SLC2A6: variants seen among roughly 807,000 people sequenced by gnomAD.
SLC2A6 encodes the protein solute carrier family 2, facilitated glucose transporter member 6.
In SLC2A6, 39 loss-of-function variants were observed where a neutral mutation model predicts 47.8. The ratio of observed to expected loss-of-function variants is 0.82; its 90% CI spans 0.63 to 1.07. The LOEUF is 1.07. SLC2A6 is among the 50% of genes least tolerant of loss of function. The probability of loss-of-function intolerance (pLI) is 0.00; values close to 1 mark genes in which losing one functional copy is unlikely to be tolerated. For missense variants in SLC2A6, 650 were observed against 707.6 expected (o/e 0.92, Z 0.92); for synonymous variants, 346 against 324.1 (o/e 1.07, Z -0.73).
At chr9:133,475,273 C>A in intron 5 of SLC2A6, 127 bp downstream of exon 5, 1 of 1,363,778 alleles carries the variant, frequency 7.3e-7, no homozygotes, top group Non-Finnish European at 9.7e-7. Flanking sequence ...AGCCCCCCAC[C>A]CCAACCCAGG....
chr9:133,471,907 G>A lies in SLC2A6; in HGVS notation c.*114C>T. 1.6e-6 allele frequency: 2 copies of A among 1,283,552 alleles called. No homozygotes were observed. Among genetic ancestry groups the A allele is most frequent in the East Asian group, 2.4e-5 (1 of 42,228 alleles). 79.5% of individuals were successfully genotyped at this position (1,283,552 alleles called of 1,614,324 possible). A position where few individuals can be genotyped will look rare whatever the true frequency, so the allele number is the denominator to read the frequency against. On this transcript the variant is annotated 3_prime_UTR_variant, in exon 10 of 10. Coordinates refer to ENST00000371899, the MANE Select transcript of SLC2A6 (RefSeq NM_017585.4). ...GGCCCCATCACACTGCTCTTCCTGT[G>A]CTCTGGCTGGTGGCAGGGATGACTG...
intron 1 of SLC2A6, 37 bp downstream of exon 1, chr9:133,478,931 A>C: frequency 2.5e-5 from 36 of 1,464,900 alleles, no homozygotes; most frequent in Non-Finnish European, 3.1e-5. Flanking sequence ...GGCCACCCCC[A>C]GGCCCCACCC....
At position 133,474,150 on chromosome 9, in the gene SLC2A6, C is replaced by T. The variant is rs587722405; in HGVS notation, c.928-62G>A. 96 of 1,357,744 alleles carry T rather than the reference C, an allele frequency of 7.1e-5. No homozygotes were observed. In the African/African-American group the frequency reaches 1.2e-3, roughly 18 times the overall value. 84.1% of individuals were successfully genotyped at this position (1,357,744 alleles called of 1,614,324 possible). A position where few individuals can be genotyped will look rare whatever the true frequency, so the allele number is the denominator to read the frequency against. ...CTGCTGTTCCCATCCCCCTCCAGGA[C>T]CCAGCTTGTCCCGGCAGGCATTGCA... On this transcript the variant is annotated intron_variant, in intron 6 of 9. Transcript: ENST00000371899.
intron 3 of SLC2A6, among the ~76,000 whole-genome samples, chr9:133,476,610 C>T (rs918214685): frequency 6.6e-6 from 1 of 152,208 alleles, no homozygotes; most frequent in Non-Finnish European, 1.5e-5. Flanking sequence ...TCCCAGGCTT[C>T]AGGGCTGAGC....
At chr9:133,472,269 C>T (rs1350413247) in intron 9 of SLC2A6, 93 bp from the exon 10 acceptor site, 5 of 1,406,610 alleles carry the variant, frequency 3.6e-6, no homozygotes, top group Non-Finnish European at 4.8e-6. Flanking sequence ...AGTGACCAGC[C>T]CTGTGGGGCC....
rs932317336 is a variant in SLC2A6 at position 133,477,045 on chromosome 9, G to C, written c.452C>G (p.Ala151Gly). The change falls in exon 3 of 10, where the codon GCC (alanine) becomes GGC (glycine). Residue 151 changes from alanine to glycine, a missense_variant. By Grantham distance (60) the Ala-to-Gly change is moderately conservative. Transcript: ENST00000371899. Reference sequence around the variant, plus strand: ...AAGGCCTGGCCTTACCGGGATGCAGGCAGCTGTGAGCCCCCCGGCGAAGCC... The same window carrying C: ...AAGGCCTGGCCTTACCGGGATGCAGCCAGCTGTGAGCCCCCCGGCGAAGCC... ...LTGFAGGLTAACIPVYVSEIA... is the reference protein window; with the variant it reads ...LTGFAGGLTAGCIPVYVSEIA... 1.3e-6 allele frequency: 2 copies of C among 1,547,120 alleles called. No homozygotes were observed. The highest frequency in any genetic ancestry group is 1.7e-6 in the Non-Finnish European group (2 of 1,146,432).
intron 2 of SLC2A6, among the ~76,000 whole-genome samples, chr9:133,477,747 A>G (rs1844014942): frequency 6.6e-6 from 1 of 152,348 alleles, no homozygotes; most frequent in East Asian, 1.9e-4. Context: ...TGCCCAACAC[A>G]TGCCTGGCAC....
At position 133,473,151 on chromosome 9, in the gene SLC2A6, C is replaced by T; in HGVS notation, c.1322G>A (p.Ser441Asn). 5 of 1,611,472 alleles carry T rather than the reference C, an allele frequency of 3.1e-6. No individual in the cohort carries two copies. The highest frequency in any genetic ancestry group is 4.2e-6 in the Non-Finnish European group (5 of 1,179,518). Residue 441 changes from serine to asparagine, a missense_variant, in exon 9 of 10, where the codon AGC becomes AAC. Ser to Asn is a conservative substitution (Grantham distance 46). Coordinates refer to ENST00000371899, the MANE Select transcript of SLC2A6 (RefSeq NM_017585.4). ...GVASGLCVLA[S>N]WLTAFVLTKS... ...GGTGAGGACGAAGGCGGTGAGCCAG[C>T]TGGCCAGCACGCAGAGCCCTGAGGC...
chr9:133,478,608 G>A, intron 1 of SLC2A6, 192 bp from the exon 2 acceptor site: 1 of 637,632 alleles, frequency 1.6e-6, no homozygotes. Flanking sequence ...TAGCTCATCC[G>A]CAGTGGCTGA....
At chr9:133,472,433 C>T (rs1400693331) in intron 9 of SLC2A6, among the ~76,000 whole-genome samples, 1 of 152,108 alleles carries the variant, frequency 6.6e-6, no homozygotes, top group Non-Finnish European at 1.5e-5. Flanking sequence ...AGCTCAGGTA[C>T]CCCCTCCACA....
chr9:133,476,276 G>A lies in SLC2A6; in HGVS notation c.523C>T (p.Leu175Phe), dbSNP rs202032104. Residue 175 changes from leucine (L) to phenylalanine (F), a missense_variant, in exon 4 of 10, where the codon CTC becomes TTC. Coordinates refer to ENST00000371899, the MANE Select transcript of SLC2A6 (RefSeq NM_017585.4). ...GACAGGGATCCGAACACTGCCATGA[G>A]CTGGGGTGTGGCCCCCAGAGCCCCA... Reference protein sequence around the residue: ...VRGALGATPQLMAVFGSLSLY... With the variant: ...VRGALGATPQFMAVFGSLSLY... 5.6e-6 allele frequency: 9 copies of A among 1,612,940 alleles called. No individual in the cohort carries two copies. Among genetic ancestry groups the A allele is most frequent in the African/African-American group, 1.3e-5 (1 of 74,948 alleles).
intron 2 of SLC2A6, 70 bp downstream of exon 2, chr9:133,478,184 C>T: frequency 6.4e-7 from 1 of 1,556,194 alleles, no homozygotes; most frequent in Non-Finnish European, 8.8e-7. Context: ...TTGGGAGGTT[C>T]CTAGCTGGAG....
Position 133,477,246 on chromosome 9 carries a change from AG to A in SLC2A6, c.256-6del. ...TGCTCCCAGGGTGAACACGGACTGC[AG>A]GGGAAGGGGGTGCAGGGCAGATATG... On this transcript the variant is annotated splice_region_variant and splice_polypyrimidine_tract_variant and intron_variant, in intron 2 of 9. Transcript: ENST00000371899. 6.4e-7 allele frequency: 1 copy of A among 1,550,454 alleles called. No homozygotes were observed. The highest frequency in any genetic ancestry group is 1.2e-5 in the South Asian group (1 of 84,056).
chr9:133,473,626 G>A (rs374386713), intron 7 of SLC2A6, 26 bp from the exon 8 acceptor site: 4 of 1,491,554 alleles, frequency 2.7e-6, no homozygotes, highest in Admixed American at 2.5e-5. Context: ...TGGCCTCGTG[G>A]GGCCAGGACC....
At chr9:133,472,831 G>T (rs1843781747) in intron 9 of SLC2A6, among the ~76,000 whole-genome samples, 1 of 152,126 alleles carries the variant, frequency 6.6e-6, no homozygotes, top group South Asian at 2.1e-4. Flanking sequence ...CCCCTGGCAG[G>T]GTCCTGGGCC....
At chr9:133,475,634 G>T in intron 4 of SLC2A6, 23 bp from the exon 5 acceptor site, 1 of 1,558,834 alleles carries the variant, frequency 6.4e-7, no homozygotes, top group South Asian at 1.2e-5. Flanking sequence ...GGTGGGTGAG[G>T]GGCCAGGTCC....
In SLC2A6 at chr9:133,479,087, G is replaced by T; in HGVS notation, c.-28C>A. The T allele has an allele frequency of 6.4e-7, 1 of 1,561,184 alleles. No homozygotes were observed. ...CCGGGTCTCTCTCGGGGCGAGCGGA[G>T]GGCGCTCAGACTGGAGCAGCCGCCC... On this transcript the variant is annotated 5_prime_UTR_variant, in exon 1 of 10. Coordinates refer to ENST00000371899, the MANE Select transcript of SLC2A6 (RefSeq NM_017585.4).
chr9:133,472,962 G>A, intron 9 of SLC2A6, 143 bp downstream of exon 9: 1 of 863,778 alleles, frequency 1.2e-6, no homozygotes, highest in Non-Finnish European at 1.7e-6. Context: ...GGGTCTCTGA[G>A]TTCAGGGGGT....
In SLC2A6 at chr9:133,472,093, G is replaced by A. The variant is rs116169312; in HGVS notation, c.1452C>T (p.Pro484=). ...GCTCCAGGGACCGTCCCTTGGTCTC[G>A]GGCACACAGCAGCCTGTGAACACCA... ...VSLVFTGCCV[P]ETKGRSLEQI... The change falls in exon 10 of 10, where the codon CCC becomes CCT. Residue 484 remains proline, a synonymous_variant. Coordinates refer to ENST00000371899, the MANE Select transcript of SLC2A6 (RefSeq NM_017585.4). 2.2e-4 allele frequency: 362 copies of A among 1,613,376 alleles called. 2 individuals are homozygous for A. The East Asian group carries it at 6.9e-3, about 31-fold the overall frequency.
Sources: allele counts gnomAD v4.1 joint callset (sites outside exome capture counted in the v4.1 genomes callset), GRCh38; gene constraint gnomAD v4.1.1; transcripts MANE v1.5; gene names NCBI Gene and HGNC (gene_info 2026-07-23, HGNC 2026-07-21).